POLH: variants seen among roughly 807,000 people sequenced by gnomAD.
The protein encoded by POLH is DNA polymerase eta.
Under a neutral mutation model 73.6 loss-of-function variants are expected in POLH, and 53 were observed. That is an observed-to-expected ratio of 0.72 (90% CI 0.58 to 0.91). POLH has a LOEUF of 0.91. POLH is among the 40% of genes least tolerant of loss of function. POLH has a pLI of 0.00. For synonymous variants in POLH, 292 were observed against 308.5 expected (o/e 0.95, Z 0.56); for missense variants, 768 against 865.4 (o/e 0.89, Z 1.41).
At chr6:43,597,987 T>C (rs1766281621) in intron 5 of POLH, 122 bp downstream of exon 5, 5 of 818,522 alleles carry the variant, frequency 6.1e-6, no homozygotes, top group South Asian at 2.8e-5. Flanking sequence ...CCTATGTGAG[T>C]GGATCGCGTG....
At chr6:43,576,952 T>G (rs955393209) in intron 1 of POLH, among the ~76,000 whole-genome samples, 1 of 152,132 alleles carries the variant, frequency 6.6e-6, no homozygotes, top group African/African-American at 2.4e-5. Flanking sequence ...GGTCAGGAGT[T>G]CGAGACCAGC....
intron 1 of POLH, among the ~76,000 whole-genome samples, chr6:43,581,682 C>T (rs1310222377): frequency 6.9e-6 from 1 of 144,252 alleles, no homozygotes; most frequent in Non-Finnish European, 1.5e-5. Context: ...GGTCGGGCGG[C>T]GGCGGCTGCG....
chr6:43,607,612 C>CT (rs1268909907), intron 9 of POLH, among the ~76,000 whole-genome samples: 5 of 152,126 alleles, frequency 3.3e-5, no homozygotes, highest in African/African-American at 1.2e-4. Flanking sequence ...TATGTTAACT[C>CT]TATGTTTAGC....
chr6:43,579,212 T>G (rs962213343), intron 1 of POLH, among the ~76,000 whole-genome samples: 4 of 152,128 alleles, frequency 2.6e-5, no homozygotes, highest in African/African-American at 9.7e-5. Context: ...ACTCTAATCT[T>G]CCCCTGCCTT....
chr6:43,577,195 G>C (rs1763454827), intron 1 of POLH, among the ~76,000 whole-genome samples: 4 of 152,148 alleles, frequency 2.6e-5, no homozygotes, highest in Admixed American at 2.6e-4. Flanking sequence ...AATAAATAAA[G>C]CTCTTGCTTT....
intron 9 of POLH, 177 bp downstream of exon 9, chr6:43,605,496 C>G: frequency 3.8e-6 from 2 of 524,320 alleles, no homozygotes; most frequent in Non-Finnish European, 6.6e-6. Flanking sequence ...GTCTCCCAGG[C>G]TGAGTACACT....
At chr6:43,579,054 T>C (rs1170007868) in intron 1 of POLH, among the ~76,000 whole-genome samples, 2 of 152,224 alleles carry the variant, frequency 1.3e-5, no homozygotes, top group Non-Finnish European at 2.9e-5. Flanking sequence ...ATCTGTGATA[T>C]TGTGATATAT....
rs1272430401 is a variant in POLH, at chr6:43,604,689, G to T, written c.959G>T (p.Gly320Val). 2 of 1,613,980 alleles carry T rather than the reference G, an allele frequency of 1.2e-6. No homozygotes were observed. Among genetic ancestry groups the T allele is most frequent in the South Asian group, 1.1e-5 (1 of 91,086 alleles). ...CCCAGGCAACTACCCAAAACCATTG[G>T]CTGTAGTAAGAACTTCCCAGGAAAA... The part of the protein sequence containing the change: ...VKPRQLPKTI[G>V]CSKNFPGKTA... The change falls in exon 8 of 11, where the codon GGC becomes GTC. Residue 320 changes from glycine (G) to valine (V), a missense_variant. Gly to Val is a moderately radical substitution (Grantham distance 109). Coordinates refer to ENST00000372236, the MANE Select transcript of POLH (RefSeq NM_006502.3).
chr6:43,589,712 C>T (rs1165149912), intron 4 of POLH, among the ~76,000 whole-genome samples: 1 of 148,564 alleles, frequency 6.7e-6, no homozygotes, highest in Non-Finnish European at 1.5e-5. Flanking sequence ...TCGCTATTCA[C>T]AGGTGTGTAA....
chr6:43,619,370 A>AG lies in POLH; in HGVS notation c.*4813_*4814insG. Among the ~76,000 whole-genome samples the AG allele has an allele frequency of 7.7e-6, 1 of 130,124 alleles. No homozygotes were observed. The highest frequency in any genetic ancestry group is 1.9e-4 in the East Asian group (1 of 5,132). The allele number at this position is 130,124 out of a possible 152,430, so 85.4% of individuals were successfully genotyped here. On this transcript the variant is annotated 3_prime_UTR_variant, in exon 11 of 11. Coordinates refer to ENST00000372236, the MANE Select transcript of POLH (RefSeq NM_006502.3). ...ACAGTCTGAGACCCTGTCTCAAAAA[A>AG]AAAAAAAAAAAAAAAAAAAAAAAAG...
At chr6:43,576,694 T>G (rs1443470184) in intron 1 of POLH, among the ~76,000 whole-genome samples, 1 of 152,232 alleles carries the variant, frequency 6.6e-6, no homozygotes, top group African/African-American at 2.4e-5. Context: ...ACTAAACTTG[T>G]TTTGTGCGGA....
Position 43,614,099 on chromosome 6 carries a change from G to C in POLH, c.1684G>C (p.Ala562Pro), listed in dbSNP as rs777237796. Reference sequence around the variant, plus strand: ...ACAAAACCCATGGTCCAACTGTAAAGCATTACCAAACTCTTTACCAACAGA... The same window carrying C: ...ACAAAACCCATGGTCCAACTGTAAACCATTACCAAACTCTTTACCAACAGA... Reference protein sequence around the residue: ...PQQNPWSNCKALPNSLPTEYP... With the variant: ...PQQNPWSNCKPLPNSLPTEYP... Residue 562 changes from alanine (A) to proline (P), a missense_variant, in exon 11 of 11, where the codon GCA becomes CCA. By Grantham distance (27) the Ala-to-Pro change is conservative (BLOSUM62 -1). Coordinates refer to ENST00000372236, the MANE Select transcript of POLH (RefSeq NM_006502.3). The C allele has an allele frequency of 1.4e-5, 22 of 1,614,068 alleles. No individual in the cohort carries two copies. Among genetic ancestry groups the C allele is most frequent in the Middle Eastern group, 3.3e-4 (2 of 6,084 alleles).
rs573952712 is a variant in POLH, at chr6:43,582,536, G to A, written c.137+80G>A. 16 of 1,396,276 alleles carry A rather than the reference G, an allele frequency of 1.1e-5. No individual in the cohort carries two copies. In the Admixed American group the frequency reaches 1.8e-4, roughly 16 times the overall value. 86.5% of individuals were successfully genotyped at this position (1,396,276 alleles called of 1,614,324 possible). A position where few individuals can be genotyped will look rare whatever the true frequency, so the allele number is the denominator to read the frequency against. On this transcript the variant is annotated intron_variant, in intron 2 of 10. Transcript: ENST00000372236. ...GCAGGTCCTTTGTTGTTGTGGTGGT[G>A]GTGGTGGTGGTGACAGGGCCTTTCT... is the stretch of plus-strand genomic sequence containing the variant.
intron 10 of POLH, among the ~76,000 whole-genome samples, chr6:43,612,849 T>A (rs1156264131): frequency 6.6e-6 from 1 of 150,452 alleles, no homozygotes; most frequent in Non-Finnish European, 1.5e-5. Context: ...TCACCCAGGC[T>A]GGAGTGCAGT....
At chr6:43,613,495 C>T (rs776023432) in intron 10 of POLH, among the ~76,000 whole-genome samples, 165 bp from the exon 11 acceptor site, 1 of 152,174 alleles carries the variant, frequency 6.6e-6, no homozygotes, top group East Asian at 1.9e-4. Flanking sequence ...TTGAGAACCA[C>T]TGCAGTAAAG....
intron 6 of POLH, among the ~76,000 whole-genome samples, chr6:43,602,348 G>A (rs1030028478): frequency 6.6e-6 from 1 of 152,172 alleles, no homozygotes; most frequent in African/African-American, 2.4e-5. Flanking sequence ...TAAAAGTGCT[G>A]TCATAAGACT....
At chr6:43,577,458 C>T (rs1763493812) in intron 1 of POLH, among the ~76,000 whole-genome samples, 2 of 152,176 alleles carry the variant, frequency 1.3e-5, no homozygotes, top group South Asian at 4.1e-4. Flanking sequence ...GGACTTCTGG[C>T]ATGTTATAGT....
chr6:43,619,413 C>T lies in POLH; in HGVS notation c.*4856C>T, dbSNP rs959063976. On this transcript the variant is annotated 3_prime_UTR_variant, in exon 11 of 11. Coordinates refer to ENST00000372236, the MANE Select transcript of POLH (RefSeq NM_006502.3). ...AAAAAAAGACTACATTCACTGTATA[C>T]GTGGCCTTTTCCCCCTAACTAGCTA... is the stretch of plus-strand genomic sequence containing the variant. 9.1e-5 allele frequency among the ~76,000 whole-genome samples: 13 copies of T among 142,258 alleles called. No homozygotes were observed. Among genetic ancestry groups the T allele is most frequent in the South Asian group, 2.3e-4 (1 of 4,258 alleles). 93.3% of individuals were successfully genotyped at this position (142,258 alleles called of 152,430 possible).
At chr6:43,581,614 CG>C (rs1764233356) in intron 1 of POLH, among the ~76,000 whole-genome samples, 4 of 147,184 alleles carry the variant, frequency 2.7e-5, no homozygotes, top group Admixed American at 2.6e-4. Flanking sequence ...CGGCGCTCGC[CG>C]GCGCGGCGGC....
Sources: gnomAD v4.1 joint callset for allele counts (sites outside exome capture counted in the v4.1 genomes callset) on GRCh38, gnomAD v4.1.1 for gene constraint, MANE v1.5 for transcripts, NCBI Gene and HGNC (gene_info 2026-07-23, HGNC 2026-07-21) for gene names.